The following APC2 variants were observed in gnomAD, a reference collection of about 807,000 sequenced individuals.
The protein encoded by APC2 is APC regulator of Wnt signaling pathway 2.
Under a neutral mutation model 72.5 loss-of-function variants are expected in APC2, and 41 were observed. That is an observed-to-expected ratio of 0.57 (90% CI 0.44 to 0.73). The LOEUF (loss-of-function observed/expected upper bound fraction) is 0.73, where lower values mean the gene tolerates loss of function less well. APC2 is among the 30% of genes least tolerant of loss of function. The probability of loss-of-function intolerance (pLI) is 0.00; values close to 1 mark genes in which losing one functional copy is unlikely to be tolerated. For synonymous variants in APC2, 1,898 were observed against 1,612.0 expected, an observed-to-expected ratio of 1.18 and a Z score of -4.25; for missense variants, 3,729 against 3,403.4, an observed-to-expected ratio of 1.10 and a Z score of -2.38.
At chr19:1,448,757 T>C (rs571464143), upstream of APC2, among the ~76,000 whole-genome samples, 99 of 146,098 alleles carry the variant, frequency 6.8e-4, no homozygotes, top group African/African-American at 2.3e-3. Context: ...GGCAGGAGAA[T>C]GGCGTGAACC....
Position 1,467,690 on chromosome 19 carries a change from A to C in APC2, c.4389A>C (p.Ala1463=), listed in dbSNP as rs779784402. 4.6e-5 allele frequency: 68 copies of C among 1,465,064 alleles called. No homozygotes were observed. In the African/African-American group the frequency reaches 9.3e-4, roughly 20 times the overall value. The allele number at this position is 1,465,064 out of a possible 1,614,324, so 90.8% of individuals were successfully genotyped here. A position where few individuals can be genotyped will look rare whatever the true frequency, so the allele number is the denominator to read the frequency against. The change falls in exon 15 of 15, where the codon GCA becomes GCC. Residue 1463 remains alanine, a synonymous_variant. Transcript: ENST00000590469. ...EQSRGAGKNR[A]GLELPLGRPP... ...CTCGGGGCGCGGGCAAGAACAGAGC[A>C]GGGCTGGAGCTGCCCCTGGGCCGGC...
upstream of APC2, chr19:1,446,421 G>T (rs1364939775): frequency 4.1e-6 from 4 of 967,344 alleles, no homozygotes; most frequent in Non-Finnish European, 3.7e-6. This position sits in a 1 kb window ranked among gnomAD's most constrained non-coding sequence, Gnocchi z 6.1. Context: ...CGGGAACAGC[G>T]GGCGCGGCGG....
chr19:1,466,158 C>G lies in APC2; in HGVS notation c.2857C>G (p.Arg953Gly). 6.4e-7 allele frequency: 1 copy of G among 1,565,312 alleles called. No homozygotes were observed. The highest frequency in any genetic ancestry group is 1.4e-5 in the African/African-American group (1 of 71,486). The change falls in exon 15 of 15, where the codon CGC (arginine) becomes GGC (glycine). Residue 953 changes from arginine to glycine, a missense_variant. Arg to Gly is a moderately radical substitution (Grantham distance 125). Coordinates refer to ENST00000590469, the MANE Select transcript of APC2 (RefSeq NM_005883.3). ...CTGCCCGCTGGCCGCACTGGCTTCG[C>G]GCCGCGAGGACCCCAGGTGTGGGCA... ...LPCPLAALAS[R>G]REDPRCGQPR...
intron 10 of APC2, 47 bp from the exon 11 acceptor site, chr19:1,460,134 A>AG: frequency 6.2e-7 from 1 of 1,610,252 alleles, no homozygotes; most frequent in Non-Finnish European, 8.5e-7. Flanking sequence ...GCTGGGCAGC[A>AG]GGCAGGGTCA....
Position 1,469,362 on chromosome 19 carries a change from C to A in APC2, c.6061C>A (p.Pro2021Thr). ...LSSAESAASA[P>T]QGASPRRGRP... ...CTCGGCCGAGTCCGCGGCCTCTGCC[C>A]CCCAGGGCGCCTCGCCCCGCCGCGG... Residue 2021 changes from proline to threonine, a missense_variant, in exon 15 of 15, where the codon CCC (proline) becomes ACC (threonine). Transcript: ENST00000590469. 7.9e-7 allele frequency: 1 copy of A among 1,269,122 alleles called. No individual in the cohort carries two copies. Among genetic ancestry groups the A allele is most frequent in the South Asian group, 2.1e-5 (1 of 46,668 alleles). 78.6% of individuals were successfully genotyped at this position (1,269,122 alleles called of 1,614,324 possible).
At chr19:1,458,818 G>A (rs1296438579) in intron 10 of APC2, among the ~76,000 whole-genome samples, 4 of 151,930 alleles carry the variant, frequency 2.6e-5, no homozygotes, top group African/African-American at 9.7e-5. Context: ...CGAGTAGCTG[G>A]GATTACAGGT....
chr19:1,461,900 C>A (rs1449144287), intron 13 of APC2, 63 bp from the exon 14 acceptor site: 57 of 1,377,674 alleles, frequency 4.1e-5, no homozygotes, highest in Non-Finnish European at 5.3e-5. Context: ...TGAATGTGAG[C>A]GTGGGAGCCT....
Position 1,468,809 on chromosome 19 carries a change from G to A in APC2, c.5508G>A (p.Gly1836=), listed in dbSNP as rs1375311485. The A allele has an allele frequency of 2.6e-6, 4 of 1,538,042 alleles. No homozygotes were observed. The highest frequency in any genetic ancestry group is 3.5e-6 in the Non-Finnish European group (4 of 1,146,170). Reference sequence around the variant, plus strand: ...CTCCAGCCAAAGTCCCGAGCCCCGGGCAGCAGCGGTCGCGGAGCCTACACC... The same window carrying A: ...CTCCAGCCAAAGTCCCGAGCCCCGGACAGCAGCGGTCGCGGAGCCTACACC... ...PAAPAKVPSP[G]QQRSRSLHRP... Residue 1836 remains glycine, a synonymous_variant, in exon 15 of 15, where the codon GGG becomes GGA. Transcript: ENST00000590469.
Position 1,465,599 on chromosome 19 carries a change from C to T in APC2, c.2298C>T (p.Gly766=). 2 of 1,590,022 alleles carry T rather than the reference C, an allele frequency of 1.3e-6. No individual in the cohort carries two copies. The highest frequency in any genetic ancestry group is 2.3e-5 in the East Asian group (1 of 43,126). The change falls in exon 15 of 15, where the codon GGC becomes GGT. Residue 766 remains glycine (G), a synonymous_variant. Transcript: ENST00000590469. Reference sequence around the variant, plus strand: ...TGCCGCCCCTGCGACACCTGGACGGCCTGGCCCAAGACTATGCTTCCGATT... The same window carrying T: ...TGCCGCCCCTGCGACACCTGGACGGTCTGGCCCAAGACTATGCTTCCGATT... ...KPLPPLRHLD[G]LAQDYASDSG...
At chr19:1,450,025 G>A, upstream of APC2, 2 of 732,468 alleles carry the variant, frequency 2.7e-6, no homozygotes, top group Non-Finnish European at 3.3e-6. Context: ...TCCCCGCCCC[G>A]GGCCGCCATT....
chr19:1,457,744 G>A (rs2083857869), intron 9 of APC2: 2 of 597,112 alleles, frequency 3.3e-6, no homozygotes, highest in Admixed American at 2.8e-5. Context: ...GAAAGGTGTG[G>A]TGCTCCAGGA....
intron 4 of APC2, 121 bp downstream of exon 4, chr19:1,453,732 C>T (rs939410337): frequency 2.3e-6 from 3 of 1,318,208 alleles, no homozygotes; most frequent in African/African-American, 1.5e-5. Context: ...GCCCCACCCA[C>T]TTGCATATGG....
In APC2 at chr19:1,462,102, C is replaced by A. The variant is rs750829429; in HGVS notation, c.1778C>A (p.Ser593Ter). 3 of 1,612,824 alleles carry A rather than the reference C, an allele frequency of 1.9e-6. No homozygotes were observed. The highest frequency in any genetic ancestry group is 1.7e-6 in the Non-Finnish European group (2 of 1,180,034). ...STLTYKCQSN[S>*]LAIIESGGGI... ...CTGACCTACAAGTGTCAGAGCAACT[C>A]GCTGGCCATCATCGAGAGCGGCGGC... Residue 593 changes from serine (S) to a stop codon, truncating the protein, a stop_gained, in exon 14 of 15, where the codon TCG becomes TAG. Coordinates refer to ENST00000590469, the MANE Select transcript of APC2 (RefSeq NM_005883.3). LOFTEE classifies it high-confidence loss of function.
intron 4 of APC2, among the ~76,000 whole-genome samples, chr19:1,454,174 C>T (rs1244897149): frequency 6.6e-6 from 1 of 152,088 alleles, no homozygotes; most frequent in Non-Finnish European, 1.5e-5. Context: ...AAGACTCCTG[C>T]CCTGTAAAAT....
intron 4 of APC2, among the ~76,000 whole-genome samples, chr19:1,454,001 C>G (rs1312940527): frequency 2.6e-5 from 4 of 152,176 alleles, no homozygotes; most frequent in African/African-American, 9.7e-5. Context: ...GAGCTGTGGC[C>G]CAAGAAGCGT....
In APC2 at chr19:1,465,680, C is replaced by T; in HGVS notation, c.2379C>T (p.Thr793=). Residue 793 remains threonine, a synonymous_variant, in exon 15 of 15, where the codon ACC becomes ACT. Transcript: ENST00000590469. ...CATCCCTGGCTGCGGCCGCGGCCACCGGGGAGCCAGCCAGCCCTGCCGCGC... is the reference window on the plus strand; with the variant it reads ...CATCCCTGGCTGCGGCCGCGGCCACTGGGGAGCCAGCCAGCCCTGCCGCGC... The part of the protein sequence containing the change: ...APSSLAAAAA[T]GEPASPAALS... 3 of 1,594,716 alleles carry T rather than the reference C, an allele frequency of 1.9e-6. No individual in the cohort carries two copies. The highest frequency in any genetic ancestry group is 1.1e-5 in the South Asian group (1 of 88,790).
Position 1,466,022 on chromosome 19 carries a change from C to T in APC2, c.2721C>T (p.Ser907=), listed in dbSNP as rs545761373. 2.0e-6 allele frequency: 3 copies of T among 1,491,978 alleles called. No individual in the cohort carries two copies. The Admixed American group carries it at 7.3e-5, about 36-fold the overall frequency. 92.4% of individuals were successfully genotyped at this position (1,491,978 alleles called of 1,614,324 possible). The change falls in exon 15 of 15, where the codon AGC becomes AGT. Residue 907 remains serine, a synonymous_variant. Transcript: ENST00000590469. ...GPEGGRREAG[S]RAHPLLRLKA... is the part of the protein sequence containing the mutation. ...AGGGCGGGCGGCGAGAGGCAGGAAG[C>T]CGGGCGCACCCGCTGCTGCGGCTCA...
upstream of APC2, chr19:1,446,243 C>T: frequency 1.0e-6 from 1 of 983,530 alleles, no homozygotes; most frequent in South Asian, 4.7e-5. This position sits in a 1 kb window ranked among gnomAD's most constrained non-coding sequence, Gnocchi z 6.1. Flanking sequence ...CCCACCCTGG[C>T]CGCCGAGGGG....
In APC2 at chr19:1,466,334, G is replaced by A. The variant is rs367731440; in HGVS notation, c.3033G>A (p.Ala1011=). The A allele has an allele frequency of 4.0e-5, 62 of 1,550,744 alleles. No homozygotes were observed. The highest frequency in any genetic ancestry group is 3.3e-4 in the African/African-American group (24 of 73,472). The change falls in exon 15 of 15, where the codon GCG becomes GCA. Residue 1011 remains alanine, a synonymous_variant. Coordinates refer to ENST00000590469, the MANE Select transcript of APC2 (RefSeq NM_005883.3). ...CACTGCTTGAGGGTGCCTCAAGGGCGGGTGCAGAGCCCCTCGCGGGGCCTG... is the reference window on the plus strand; with the variant it reads ...CACTGCTTGAGGGTGCCTCAAGGGCAGGTGCAGAGCCCCTCGCGGGGCCTG... ...HVPLLEGASR[A]GAEPLAGPGI...
Sources: allele counts gnomAD v4.1 joint callset (sites outside exome capture counted in the v4.1 genomes callset), GRCh38; gene constraint gnomAD v4.1.1; non-coding constraint Gnocchi (gnomAD v3.1); transcripts MANE v1.5; gene names NCBI Gene and HGNC (gene_info 2026-07-23, HGNC 2026-07-21).